TRERF1: variants seen among roughly 807,000 people sequenced by gnomAD.
TRERF1 encodes the protein transcriptional-regulating factor 1.
TRERF1 carries 27 observed loss-of-function variants against 122.9 expected under a neutral mutation model. The observed-to-expected ratio is 0.22, with a 90% CI of 0.16 to 0.30. TRERF1 has a LOEUF of 0.30. TRERF1 is among the 10% of genes least tolerant of loss of function. The probability of loss-of-function intolerance (pLI) is 1.00; values close to 1 mark genes in which losing one functional copy is unlikely to be tolerated. For synonymous variants in TRERF1, 636 were observed against 641.7 expected (o/e 0.99, Z 0.13); for missense variants, 1,248 against 1,560.3 (o/e 0.80, Z 3.37).
Position 42,384,218 on chromosome 6 carries a change from A to T in TRERF1, c.-453-21139T>A, listed in dbSNP as rs537500624. On this transcript the variant is annotated intron_variant, in intron 2 of 17. Transcript: ENST00000372922. The stretch of plus-strand genomic sequence containing the variant: ...TGACAAAGGATTGGAAGTAACTACA[A>T]TATCCACCATTTGGAGGGTTGCTTT... 9.8e-5 allele frequency among the ~76,000 whole-genome samples: 15 copies of T among 152,308 alleles called. No individual in the cohort carries two copies. The South Asian group carries it at 3.1e-3, about 32-fold the overall frequency.
At chr6:42,267,161 A>G (rs1427744007) in intron 5 of TRERF1, among the ~76,000 whole-genome samples, 1 of 151,244 alleles carries the variant, frequency 6.6e-6, no homozygotes, top group Non-Finnish European at 1.5e-5. Context: ...CTGTCTCTAC[A>G]AAACAAAACC....
rs1482234451 is a variant in TRERF1, at chr6:42,448,303, G to A, written c.-454+2874C>T. ...ATTAGACAAGTTAACCAACTGGCTG[G>A]AGAAGAAACTTCTAAGATGAACAGA... On this transcript the variant is annotated intron_variant, in intron 2 of 17. Coordinates refer to ENST00000372922, the Ensembl canonical transcript of TRERF1. 3.9e-5 allele frequency among the ~76,000 whole-genome samples: 6 copies of A among 152,300 alleles called. No homozygotes were observed. In the East Asian group the frequency reaches 1.2e-3, roughly 29 times the overall value.
intron 2 of TRERF1, among the ~76,000 whole-genome samples, chr6:42,400,908 A>C (rs1779288929): frequency 6.6e-6 from 1 of 152,238 alleles, no homozygotes; most frequent in African/African-American, 2.4e-5. Context: ...CAAGGAAGAC[A>C]CAAGATTGTC....
At chr6:42,359,596 C>T (rs139354702) in intron 3 of TRERF1, among the ~76,000 whole-genome samples, 33 of 152,238 alleles carry the variant, frequency 2.2e-4, no homozygotes, top group African/African-American at 6.0e-4. Flanking sequence ...CGGTGGCGTG[C>T]GCCTGCAGTC....
intron 14 of TRERF1, among the ~76,000 whole-genome samples, chr6:42,243,879 C>CT (rs34858601): frequency 0.15 from 18,505 of 123,292 alleles, 2,560 homozygotes; most frequent in African/African-American, 0.34. Flanking sequence ...TGCGCCCAGC[C>CT]TTTTTTTTTT....
intron 8 of TRERF1, among the ~76,000 whole-genome samples, chr6:42,261,247 C>G (rs1777815757): frequency 6.6e-6 from 1 of 152,162 alleles, no homozygotes; most frequent in African/African-American, 2.4e-5. Context: ...CAAGAACATG[C>G]AGACCTTATA....
At chr6:42,355,006 TTAGTAAAA>T (rs1370036134) in intron 3 of TRERF1, among the ~76,000 whole-genome samples, 2 of 152,220 alleles carry the variant, frequency 1.3e-5, no homozygotes, top group African/African-American at 4.8e-5. Context: ...AATAGGGTTT[TTAGTAAAA>T]CTCTTTAAGT....
At position 42,269,052 on chromosome 6, in the gene TRERF1, G is replaced by A. The variant is rs779440810; in HGVS notation, c.539C>T (p.Ala180Val). 1.2e-6 allele frequency: 2 copies of A among 1,614,064 alleles called. No individual in the cohort carries two copies. The highest frequency in any genetic ancestry group is 2.7e-5 in the African/African-American group (2 of 74,918). The change falls in exon 5 of 18, where the codon GCT (alanine) becomes GTT (valine). Residue 180 changes from alanine to valine, a missense_variant. Around this residue, in one of 5 missense-constraint regions of TRERF1, gnomAD observed 946 missense variants for 1,073.0 expected, o/e 0.88. Coordinates refer to ENST00000372922, the Ensembl canonical transcript of TRERF1. This position sits in a 1 kb window ranked among gnomAD's most constrained non-coding sequence, Gnocchi z 4.9. ...CTTCTGAGACAGCAGCTGGCGGAGA[G>A]CACTGTCAGGGGCTCCATCCATCAC...
intron 3 of TRERF1, among the ~76,000 whole-genome samples, chr6:42,361,426 G>GT (rs1156728743): frequency 6.7e-6 from 1 of 148,856 alleles, no homozygotes; most frequent in Non-Finnish European, 1.5e-5. Flanking sequence ...TGTTTTTTGG[G>GT]TTTTTTTGTT....
chr6:42,272,843 A>AC (rs1178254830), intron 4 of TRERF1, among the ~76,000 whole-genome samples: 1 of 151,578 alleles, frequency 6.6e-6, no homozygotes, highest in Non-Finnish European at 1.5e-5. Context: ...ATCCTTTCTG[A>AC]CCCCCAAAGA....
At chr6:42,252,574 TG>T (rs1776011726) in intron 13 of TRERF1, among the ~76,000 whole-genome samples, 1 of 152,168 alleles carries the variant, frequency 6.6e-6, no homozygotes, top group African/African-American at 2.4e-5. Flanking sequence ...CAGTCACTAC[TG>T]GGGAGCAACC....
At chr6:42,258,028 A>G (rs989340590) in intron 10 of TRERF1, 107 bp downstream of exon 10, 4 of 976,142 alleles carry the variant, frequency 4.1e-6, no homozygotes, top group Admixed American at 2.6e-5. Flanking sequence ...CGATCCTACA[A>G]TTTCTACAAC....
chr6:42,414,083 A>G (rs1270216494), intron 2 of TRERF1, among the ~76,000 whole-genome samples: 3 of 152,240 alleles, frequency 2.0e-5, no homozygotes, highest in Non-Finnish European at 2.9e-5. Context: ...ATAACTTTGA[A>G]AGACAAAATC....
intron 4 of TRERF1, among the ~76,000 whole-genome samples, chr6:42,288,547 A>T (rs1490979399): frequency 6.8e-6 from 1 of 147,868 alleles, no homozygotes; most frequent in Non-Finnish European, 1.5e-5. Context: ...CAGCCTGGGC[A>T]ACAAGAGCGA....
intron 3 of TRERF1, among the ~76,000 whole-genome samples, chr6:42,306,949 G>A (rs1316998297): frequency 1.3e-5 from 2 of 152,126 alleles, no homozygotes; most frequent in Admixed American, 6.5e-5. Context: ...GAATCACCTG[G>A]AGCTTTAGAA....
intron 2 of TRERF1, among the ~76,000 whole-genome samples, chr6:42,363,472 G>A (rs2150969222): frequency 6.6e-6 from 1 of 152,158 alleles, no homozygotes; most frequent in East Asian, 1.9e-4. Flanking sequence ...CTCTCATTAG[G>A]TTATTGTGAT....
chr6:42,423,364 A>G (rs1309236634), intron 2 of TRERF1, among the ~76,000 whole-genome samples: 1 of 152,176 alleles, frequency 6.6e-6, no homozygotes, highest in East Asian at 1.9e-4. Context: ...AAAACTTAAA[A>G]CCAGAAAGTG....
At chr6:42,348,403 G>A (rs760969622) in intron 3 of TRERF1, among the ~76,000 whole-genome samples, 1 of 152,016 alleles carries the variant, frequency 6.6e-6, no homozygotes, top group Admixed American at 6.6e-5. Context: ...ACAGCCATGC[G>A]CCACCATGCC....
At chr6:42,343,482 A>G (rs899232933) in intron 3 of TRERF1, among the ~76,000 whole-genome samples, 1 of 152,188 alleles carries the variant, frequency 6.6e-6, no homozygotes, top group African/African-American at 2.4e-5. Context: ...GAACTACACA[A>G]AAGGTATACC....
Sources: gnomAD v4.1 joint callset for allele counts (sites outside exome capture counted in the v4.1 genomes callset) on GRCh38, gnomAD v4.1.1 for gene constraint, gnomAD v4.1.1 regional missense constraint, Gnocchi (gnomAD v3.1) non-coding constraint, MANE v1.5 for transcripts, NCBI Gene and HGNC (gene_info 2026-07-23, HGNC 2026-07-21) for gene names.